Variants in SLC25A21 observed in about 807,000 individuals in gnomAD.
SLC25A21 encodes mitochondrial 2-oxodicarboxylate carrier.
A neutral mutation model predicts 43.8 loss-of-function variants in SLC25A21; 47 were observed. That is an observed-to-expected ratio of 1.07 (90% CI 0.85 to 1.37). The LOEUF (loss-of-function observed/expected upper bound fraction) is 1.37, where lower values mean the gene tolerates loss of function less well. Among genes scored for constraint, SLC25A21 ranks in the 40% most tolerant of loss-of-function variants. The probability of loss-of-function intolerance (pLI) is 0.00; values close to 1 mark genes in which losing one functional copy is unlikely to be tolerated. For synonymous variants in SLC25A21, 131 were observed against 121.3 expected (o/e 1.08, Z -0.52); for missense variants, 352 against 350.2 (o/e 1.00, Z -0.04).
intron 1 of SLC25A21, among the ~76,000 whole-genome samples, chr14:37,139,484 C>T (rs1963536120): frequency 6.6e-6 from 1 of 151,882 alleles, no homozygotes; most frequent in Non-Finnish European, 1.5e-5. Context: ...AATTTTTACT[C>T]ACAAAAAAAA....
chr14:37,065,342 G>T (rs1962037440), intron 1 of SLC25A21, among the ~76,000 whole-genome samples: 1 of 152,154 alleles, frequency 6.6e-6, no homozygotes, highest in South Asian at 2.1e-4. Flanking sequence ...ATAAAAAGCT[G>T]ACAAGAAAGT....
chr14:36,999,876 TCTTCTTA>T (rs933296978), intron 1 of SLC25A21, among the ~76,000 whole-genome samples: 9 of 152,144 alleles, frequency 5.9e-5, no homozygotes, highest in African/African-American at 2.2e-4. Flanking sequence ...CCATTGTCTG[TCTTCTTA>T]CCCTTGAATG....
chr14:36,721,374 G>A (rs1172792844), intron 6 of SLC25A21, among the ~76,000 whole-genome samples: 1 of 152,166 alleles, frequency 6.6e-6, no homozygotes, highest in Non-Finnish European at 1.5e-5. Flanking sequence ...ATGTGAGGCT[G>A]TCACATAGTC....
chr14:36,838,404 G>GAC, intron 2 of SLC25A21, among the ~76,000 whole-genome samples: 1 of 152,294 alleles, frequency 6.6e-6, no homozygotes, highest in Middle Eastern at 3.4e-3. Flanking sequence ...AGCACACTGG[G>GAC]ACACACTGCA....
At chr14:36,929,748 C>T (rs1892236899) in intron 1 of SLC25A21, among the ~76,000 whole-genome samples, 1 of 152,148 alleles carries the variant, frequency 6.6e-6, no homozygotes, top group Non-Finnish European at 1.5e-5. Flanking sequence ...GGTACTATAG[C>T]TCGTCTCCAA....
At chr14:36,946,983 C>T (rs1892693680) in intron 1 of SLC25A21, among the ~76,000 whole-genome samples, 1 of 152,094 alleles carries the variant, frequency 6.6e-6, no homozygotes, top group African/African-American at 2.4e-5. Context: ...CTTTTAATGC[C>T]AAGAAATTAC....
intron 1 of SLC25A21, among the ~76,000 whole-genome samples, chr14:36,955,885 C>T (rs1256406299): frequency 6.6e-6 from 1 of 152,120 alleles, no homozygotes. Flanking sequence ...GTTCAAATCC[C>T]AGCTTGGTCC....
chr14:36,842,518 C>T (rs698295), intron 2 of SLC25A21, among the ~76,000 whole-genome samples: 44,719 of 152,024 alleles, frequency 0.29, 6,654 homozygotes, highest in African/African-American at 0.32. Flanking sequence ...AGCCATAAGA[C>T]GGAAGGAGCT....
chr14:36,783,920 C>T (rs74044987), intron 3 of SLC25A21, among the ~76,000 whole-genome samples: 6,643 of 152,216 alleles, frequency 0.044, 501 homozygotes, highest in African/African-American at 0.15. Flanking sequence ...CTTCCCACCC[C>T]AAGAGCCTTC....
intron 2 of SLC25A21, among the ~76,000 whole-genome samples, chr14:36,817,264 G>A (rs1241706005): frequency 6.6e-6 from 1 of 152,058 alleles, no homozygotes; most frequent in Non-Finnish European, 1.5e-5. Flanking sequence ...AAGTAGCATC[G>A]GCACTGGGTC....
intron 1 of SLC25A21, among the ~76,000 whole-genome samples, chr14:37,008,143 G>T (rs1225265197): frequency 6.6e-6 from 1 of 151,938 alleles, no homozygotes; most frequent in Non-Finnish European, 1.5e-5. Context: ...GAAAGTGCTG[G>T]GATTACAGGC....
At chr14:36,906,388 T>C (rs1891534156) in intron 1 of SLC25A21, among the ~76,000 whole-genome samples, 1 of 152,014 alleles carries the variant, frequency 6.6e-6, no homozygotes, top group Non-Finnish European at 1.5e-5. Flanking sequence ...GGGATACAAA[T>C]GGTAGGGAAA....
chr14:36,866,898 T>C (rs1334714962), intron 2 of SLC25A21, among the ~76,000 whole-genome samples: 5 of 152,258 alleles, frequency 3.3e-5, no homozygotes, highest in Non-Finnish European at 7.3e-5. Context: ...GGTAATGTTT[T>C]GAACCTATGA....
At chr14:37,148,670 A>G (rs1963708956) in intron 1 of SLC25A21, among the ~76,000 whole-genome samples, 1 of 152,218 alleles carries the variant, frequency 6.6e-6, no homozygotes, top group Admixed American at 6.5e-5. Context: ...ATATACATTT[A>G]TTGAGCAGCT....
intron 1 of SLC25A21, among the ~76,000 whole-genome samples, chr14:37,131,163 AT>A (rs910899665): frequency 6.6e-6 from 1 of 152,194 alleles, no homozygotes; most frequent in Non-Finnish European, 1.5e-5. Context: ...TTACATTTAA[AT>A]TTTTTTAAAG....
chr14:36,904,785 G>A (rs1891490418), intron 1 of SLC25A21, among the ~76,000 whole-genome samples: 1 of 152,094 alleles, frequency 6.6e-6, no homozygotes, highest in African/African-American at 2.4e-5. Context: ...GAACAGCATG[G>A]GGGAAATCGC....
intron 6 of SLC25A21, among the ~76,000 whole-genome samples, chr14:36,718,208 G>C (rs1884227595): frequency 6.6e-6 from 1 of 152,164 alleles, no homozygotes; most frequent in Admixed American, 6.5e-5. Flanking sequence ...TTGAATGGAA[G>C]ACAAGTCTAT....
At position 37,099,480 on chromosome 14, in the gene SLC25A21, T is replaced by G. The variant is rs17106302; in HGVS notation, c.70+72801A>C. The stretch of plus-strand genomic sequence containing the variant: ...CCTCCTGGGTCTTTTTAAGGGCTTT[T>G]GTTCTTAGTAGTCAATGTAGTAGTC... On this transcript the variant is annotated intron_variant, in intron 1 of 9. Coordinates refer to ENST00000331299, the MANE Select transcript of SLC25A21 (RefSeq NM_030631.4). 6.1e-3 allele frequency among the ~76,000 whole-genome samples: 926 copies of G among 152,258 alleles called. 11 individuals carry two copies. The highest frequency in any genetic ancestry group is 0.022 in the African/African-American group (896 of 41,542).
intron 1 of SLC25A21, among the ~76,000 whole-genome samples, chr14:36,920,408 C>T (rs1193121230): frequency 2.0e-5 from 3 of 151,950 alleles, no homozygotes; most frequent in African/African-American, 7.2e-5. Context: ...TAAATCATGG[C>T]AAGTTAAATA....
Sources: allele counts gnomAD v4.1 joint callset (sites outside exome capture counted in the v4.1 genomes callset), GRCh38; gene constraint gnomAD v4.1.1; transcripts MANE v1.5; gene names NCBI Gene and HGNC (gene_info 2026-07-23, HGNC 2026-07-21).